The following MOSMO variants were observed in gnomAD, a reference collection of about 807,000 sequenced individuals.
The protein encoded by MOSMO is modulator of smoothened protein.
MOSMO carries 5 observed loss-of-function variants against 18.4 expected under a neutral mutation model. The observed-to-expected ratio is 0.27, with a 90% CI of 0.14 to 0.57. MOSMO has a LOEUF of 0.57. Ranked by LOEUF, MOSMO falls within the 20% of genes least tolerant of loss-of-function variation. The pLI is 0.92. For missense variants in MOSMO, 138 were observed against 211.8 expected, an observed-to-expected ratio of 0.65 and a Z score of 2.16; for synonymous variants, 82 against 82.3, an observed-to-expected ratio of 1.00 and a Z score of 0.02.
intron 1 of MOSMO, among the ~76,000 whole-genome samples, chr16:22,045,744 G>GA (rs1371224538): frequency 1.3e-5 from 2 of 152,068 alleles, no homozygotes; most frequent in Non-Finnish European, 2.9e-5. Flanking sequence ...AATTTCTGGG[G>GA]AAAAATTGCA....
intron 1 of MOSMO, among the ~76,000 whole-genome samples, chr16:22,036,726 AC>A (rs1364711306): frequency 6.6e-6 from 1 of 152,208 alleles, no homozygotes; most frequent in Non-Finnish European, 1.5e-5. Context: ...CACTGGAATT[AC>A]AGGTGTAATT....
At chr16:22,011,932 TAA>T (rs535652740) in intron 1 of MOSMO, among the ~76,000 whole-genome samples, 8 of 120,534 alleles carry the variant, frequency 6.6e-5, no homozygotes, top group African/African-American at 9.4e-5. Flanking sequence ...AGTCCTGAGT[TAA>T]AAAAAAAAAA....
chr16:22,037,493 A>G (rs1274687491), intron 1 of MOSMO, among the ~76,000 whole-genome samples: 1 of 152,144 alleles, frequency 6.6e-6, no homozygotes, highest in Non-Finnish European at 1.5e-5. Context: ...GGTGTCCTGT[A>G]ATTCAACTCA....
chr16:22,088,609 T>C (rs960498415), downstream of MOSMO, among the ~76,000 whole-genome samples: 1 of 152,246 alleles, frequency 6.6e-6, no homozygotes, highest in Admixed American at 6.5e-5. Flanking sequence ...AGTGGCATTC[T>C]CTACGTTTAG....
At chr16:22,075,210 A>G in intron 1 of MOSMO, 3 of 477,102 alleles carry the variant, frequency 6.3e-6, no homozygotes, top group South Asian at 5.2e-5. Flanking sequence ...ACCTGACACA[A>G]TTACTCAGAA....
intron 1 of MOSMO, among the ~76,000 whole-genome samples, chr16:22,037,389 T>C (rs1900128967): frequency 6.6e-6 from 1 of 152,178 alleles, no homozygotes; most frequent in Non-Finnish European, 1.5e-5. Context: ...GAAATCAGTT[T>C]CTCCAACTAT....
At chr16:22,072,063 T>G (rs1015618985) in intron 1 of MOSMO, among the ~76,000 whole-genome samples, 3 of 152,110 alleles carry the variant, frequency 2.0e-5, no homozygotes, top group African/African-American at 7.2e-5. Context: ...ATGTCCTGTT[T>G]GGGGATAAAA....
intron 2 of MOSMO, among the ~76,000 whole-genome samples, chr16:22,076,956 G>T (rs1900981606): frequency 6.6e-6 from 1 of 152,134 alleles, no homozygotes; most frequent in Non-Finnish European, 1.5e-5. Flanking sequence ...CCTTTCCCCT[G>T]TCCAACAGAC....
intron 1 of MOSMO, among the ~76,000 whole-genome samples, chr16:22,073,599 T>C (rs1390883774): frequency 2.6e-5 from 4 of 151,872 alleles, no homozygotes; most frequent in Admixed American, 6.6e-5. Context: ...TTAAGAACAG[T>C]CATGCAATTC....
At chr16:22,066,756 A>G (rs1057088317) in intron 1 of MOSMO, among the ~76,000 whole-genome samples, 1 of 152,276 alleles carries the variant, frequency 6.6e-6, no homozygotes, top group African/African-American at 2.4e-5. Flanking sequence ...AACAGTAACA[A>G]CAACAAATCC....
intron 1 of MOSMO, among the ~76,000 whole-genome samples, chr16:22,071,616 G>T (rs1366598656): frequency 6.6e-6 from 1 of 152,224 alleles, no homozygotes; most frequent in African/African-American, 2.4e-5. Context: ...TAAGACTCAG[G>T]ATGACTTTCC....
intron 1 of MOSMO, among the ~76,000 whole-genome samples, chr16:22,051,967 G>GA (rs1224189427): frequency 6.6e-6 from 1 of 152,108 alleles, no homozygotes; most frequent in East Asian, 1.9e-4. Context: ...TGGTGTGACA[G>GA]AAAAAAACAT....
chr16:22,058,294 C>CAG (rs1900574883), intron 1 of MOSMO, among the ~76,000 whole-genome samples: 1 of 151,880 alleles, frequency 6.6e-6, no homozygotes, highest in Non-Finnish European at 1.5e-5. Flanking sequence ...GGCGTGATGG[C>CAG]GTGCTCCTGT....
At chr16:22,036,656 A>G (rs1384033786) in intron 1 of MOSMO, among the ~76,000 whole-genome samples, 2 of 152,138 alleles carry the variant, frequency 1.3e-5, no homozygotes, top group African/African-American at 4.8e-5. Flanking sequence ...TGTGTTGCCT[A>G]GGCTGATCTC....
At chr16:22,022,708 C>A (rs1899790455) in intron 1 of MOSMO, among the ~76,000 whole-genome samples, 1 of 152,014 alleles carries the variant, frequency 6.6e-6, no homozygotes, top group South Asian at 2.1e-4. Context: ...ATCCTGACCC[C>A]CGATATGGTA....
chr16:22,088,885 A>G (rs1300245930), downstream of MOSMO, among the ~76,000 whole-genome samples: 1 of 152,158 alleles, frequency 6.6e-6, no homozygotes, highest in African/African-American at 2.4e-5. Context: ...TCCCGCTTGC[A>G]TGATTCCTTG....
chr16:22,071,407 G>A (rs937932592), intron 1 of MOSMO, among the ~76,000 whole-genome samples: 7 of 152,218 alleles, frequency 4.6e-5, no homozygotes, highest in Admixed American at 2.6e-4. Flanking sequence ...ACTGGTGGCC[G>A]TGCGCCTTTC....
chr16:22,060,973 T>C (rs1900633274), intron 1 of MOSMO, among the ~76,000 whole-genome samples: 1 of 152,172 alleles, frequency 6.6e-6, no homozygotes, highest in South Asian at 2.1e-4. Context: ...ACTAAGCTTT[T>C]CACTCCTAGG....
At chr16:22,076,158 G>A (rs1446375688) in intron 2 of MOSMO, 2 of 167,572 alleles carry the variant, frequency 1.2e-5, no homozygotes, top group African/African-American at 2.4e-5. Context: ...AACACATTTT[G>A]TTATTTAATA....
Sources: allele counts gnomAD v4.1 joint callset (sites outside exome capture counted in the v4.1 genomes callset), GRCh38; gene constraint gnomAD v4.1.1; transcripts MANE v1.5; gene names NCBI Gene and HGNC (gene_info 2026-07-23, HGNC 2026-07-21).